The following KCNK2 variants were observed in gnomAD, a reference collection of about 807,000 sequenced individuals.
The protein encoded by KCNK2 is potassium channel subfamily K member 2.
In KCNK2, 21 loss-of-function variants were observed where a neutral mutation model predicts 40.5. That is an observed-to-expected ratio of 0.52 (90% CI 0.37 to 0.75). The LOEUF is 0.75. KCNK2 is among the 30% of genes least tolerant of loss of function. KCNK2 has a pLI of 0.00. For synonymous variants in KCNK2, 191 were observed against 202.2 expected (o/e 0.94, Z 0.47); for missense variants, 399 against 531.6 (o/e 0.75, Z 2.45).
intron 6 of KCNK2, among the ~76,000 whole-genome samples, chr1:215,207,990 A>G (rs529397932): frequency 6.6e-6 from 1 of 152,330 alleles, no homozygotes; most frequent in Non-Finnish European, 1.5e-5. Context: ...AAAAGCAGAA[A>G]TAACATTTGA....
intron 6 of KCNK2, among the ~76,000 whole-genome samples, chr1:215,206,488 T>C (rs1558138416): frequency 6.6e-6 from 1 of 152,326 alleles, no homozygotes; most frequent in South Asian, 2.1e-4. Flanking sequence ...CTTTACATTA[T>C]GGAAAATCAT....
intron 6 of KCNK2, among the ~76,000 whole-genome samples, chr1:215,225,468 T>A (rs1571751079): frequency 6.6e-6 from 1 of 152,246 alleles, no homozygotes; most frequent in South Asian, 2.1e-4. Context: ...TCAAAGGATA[T>A]GAAGATTTTA....
At position 215,090,548 on chromosome 1, in the gene KCNK2, C is replaced by T. The variant is rs79351418; in HGVS notation, c.357+3870C>T. ...GAATCTTAATATTCTTTCTGGACAA[C>T]AGGATTATATCAGCATTTTCCCATT... On this transcript the variant is annotated intron_variant, in intron 2 of 6. Transcript: ENST00000444842. 8.7e-4 allele frequency among the ~76,000 whole-genome samples: 133 copies of T among 152,170 alleles called. 2 individuals carry two copies. The East Asian group carries it at 0.024, about 27-fold the overall frequency.
intron 5 of KCNK2, among the ~76,000 whole-genome samples, chr1:215,183,446 T>G (rs1664307107): frequency 6.6e-6 from 1 of 152,198 alleles, no homozygotes; most frequent in Non-Finnish European, 1.5e-5. Context: ...GTTTTTCTAC[T>G]CAAATTTTAA....
Position 215,083,230 on chromosome 1 carries a change from T to TCCCCCCCCCCCCC in KCNK2, c.-152_-151insCCCCCCCCCCCCC. Reference sequence around the variant, plus strand: ...CCCCCTCCCGCGTCCAGCCCCGCTCTCCCCACCTTGTAAAACAAAGCCGGG... The same window carrying TCCCCCCCCCCCCC: ...CCCCCTCCCGCGTCCAGCCCCGCTCTCCCCCCCCCCCCCCCCCACCTTGTAAAACAAAGCCGGG... On this transcript the variant is annotated 5_prime_UTR_variant, in exon 1 of 7. Transcript: ENST00000444842. 1.2e-6 allele frequency: 1 copy of TCCCCCCCCCCCCC among 828,156 alleles called. No individual in the cohort carries two copies. Among genetic ancestry groups the TCCCCCCCCCCCCC allele is most frequent in the Non-Finnish European group, 1.6e-6 (1 of 612,936 alleles). 51.3% of individuals were successfully genotyped at this position (828,156 alleles called of 1,614,324 possible).
At chr1:215,178,770 G>T (rs1664098767) in intron 5 of KCNK2, among the ~76,000 whole-genome samples, 1 of 151,970 alleles carries the variant, frequency 6.6e-6, no homozygotes, top group Non-Finnish European at 1.5e-5. Flanking sequence ...GAAGATTTTT[G>T]CATCTACATT....
chr1:215,045,728 A>G (rs1213355031), intron 1 of KCNK2, among the ~76,000 whole-genome samples: 1 of 152,182 alleles, frequency 6.6e-6, no homozygotes, highest in Non-Finnish European at 1.5e-5. Flanking sequence ...ATAGTTATTC[A>G]AGATGCCCTA....
chr1:215,104,209 A>G (rs969555500), intron 2 of KCNK2, among the ~76,000 whole-genome samples: 7 of 152,086 alleles, frequency 4.6e-5, no homozygotes, highest in Non-Finnish European at 7.4e-5. Context: ...TTTTAGAGCT[A>G]AGAAAATAAA....
chr1:215,177,740 A>ATGTGTATATATATATATATATATTT (rs71167812), intron 5 of KCNK2, among the ~76,000 whole-genome samples: 21 of 101,578 alleles, frequency 2.1e-4, no homozygotes, highest in African/African-American at 7.4e-4. Flanking sequence ...ATATATATAT[A>ATGTGTATATATATATATATATATTT]TTTTTTTTTT....
intron 1 of KCNK2, among the ~76,000 whole-genome samples, chr1:215,062,053 T>C (rs1009272479): frequency 6.6e-6 from 1 of 152,208 alleles, no homozygotes; most frequent in Non-Finnish European, 1.5e-5. Flanking sequence ...TAATAGATGC[T>C]AACAATCTTC....
At chr1:215,164,569 C>T (rs549056372) in intron 3 of KCNK2, among the ~76,000 whole-genome samples, 164 of 152,224 alleles carry the variant, frequency 1.1e-3, no homozygotes, top group African/African-American at 3.9e-3. Flanking sequence ...ATAAATTTCC[C>T]TCTATACACT....
chr1:215,173,203 A>G (rs1192347471), intron 5 of KCNK2, among the ~76,000 whole-genome samples: 7 of 152,038 alleles, frequency 4.6e-5, no homozygotes, highest in Non-Finnish European at 1.0e-4. Flanking sequence ...CCTACCTATG[A>G]GTGAGAACAG....
chr1:215,015,680 C>G (rs1013025519), intron 1 of KCNK2, among the ~76,000 whole-genome samples: 6 of 152,084 alleles, frequency 3.9e-5, no homozygotes, highest in African/African-American at 7.2e-5. Flanking sequence ...TCTCAGTTGA[C>G]AGCACTTGTA....
At chr1:215,179,056 T>G (rs1664113290) in intron 5 of KCNK2, among the ~76,000 whole-genome samples, 1 of 152,110 alleles carries the variant, frequency 6.6e-6, no homozygotes, top group African/African-American at 2.4e-5. Context: ...GTTCAGGGTT[T>G]TAATTTCTTT....
Position 215,035,080 on chromosome 1 carries a change from C to A in KCNK2, c.34+29125C>A, listed in dbSNP as rs527944350. 2.6e-5 allele frequency among the ~76,000 whole-genome samples: 4 copies of A among 152,128 alleles called. No individual in the cohort carries two copies. The East Asian group carries it at 7.7e-4, about 29-fold the overall frequency. Reference sequence around the variant, plus strand: ...TGCTAACTCCTACCCCTGTGAGAAACAAATTTACCAACTCGAGTTAGTGTT... The same window carrying A: ...TGCTAACTCCTACCCCTGTGAGAAAAAAATTTACCAACTCGAGTTAGTGTT... On this transcript the variant is annotated intron_variant, in intron 1 of 6. Transcript: ENST00000391895.
chr1:215,120,466 G>A (rs574563898), intron 2 of KCNK2, among the ~76,000 whole-genome samples: 4 of 152,206 alleles, frequency 2.6e-5, no homozygotes, highest in South Asian at 2.1e-4. Context: ...AGAAATGTAC[G>A]TAAAATCTAA....
intron 5 of KCNK2, among the ~76,000 whole-genome samples, chr1:215,177,917 G>A (rs1007413206): frequency 2.0e-5 from 3 of 151,178 alleles, no homozygotes; most frequent in African/African-American, 7.3e-5. Flanking sequence ...TGCGAAAAAC[G>A]ATATTGGTAG....
At chr1:215,141,867 G>T (rs114454384) in intron 3 of KCNK2, among the ~76,000 whole-genome samples, 4,554 of 152,092 alleles carry the variant, frequency 0.03, 93 homozygotes, top group South Asian at 0.059. Flanking sequence ...TTTAGAGAAA[G>T]TTTTCTATTA....
chr1:215,235,684 C>A lies in KCNK2; in HGVS notation c.*539C>A, dbSNP rs565514705. On this transcript the variant is annotated 3_prime_UTR_variant, in exon 7 of 7. Transcript: ENST00000444842. ...TGTGGTTTCTCCTTCCCTGCCCCCACCCCTAGGCTCACCTCTGCAGTCTTT... is the reference window on the plus strand; with the variant it reads ...TGTGGTTTCTCCTTCCCTGCCCCCAACCCTAGGCTCACCTCTGCAGTCTTT... 3.3e-5 allele frequency: 5 copies of A among 152,898 alleles called. No individual in the cohort carries two copies. In the South Asian group the frequency reaches 1.0e-3, roughly 32 times the overall value. 9.5% of individuals were successfully genotyped at this position (152,898 alleles called of 1,614,324 possible).
Sources: allele counts gnomAD v4.1 joint callset (sites outside exome capture counted in the v4.1 genomes callset), GRCh38; gene constraint gnomAD v4.1.1; transcripts MANE v1.5; gene names NCBI Gene and HGNC (gene_info 2026-07-23, HGNC 2026-07-21).